TRIM14: variants seen among roughly 807,000 people sequenced by gnomAD.
TRIM14 encodes tripartite motif containing 14.
A neutral mutation model predicts 44.5 loss-of-function variants in TRIM14; 28 were observed. The ratio of observed to expected loss-of-function variants is 0.63; its 90% CI spans 0.47 to 0.86. TRIM14 has a LOEUF of 0.86. Among genes scored for constraint, TRIM14 ranks in the 40% least tolerant of loss-of-function variants. The probability of loss-of-function intolerance (pLI) is 0.00; values close to 1 mark genes in which losing one functional copy is unlikely to be tolerated. For synonymous variants in TRIM14, 299 were observed against 269.2 expected, an observed-to-expected ratio of 1.11 and a Z score of -1.08; for missense variants, 607 against 611.1, an observed-to-expected ratio of 0.99 and a Z score of 0.07.
chr9:98,072,108 G>A (rs1017219403), intron 6 of TRIM14, among the ~76,000 whole-genome samples: 3 of 152,168 alleles, frequency 2.0e-5, no homozygotes, highest in African/African-American at 7.2e-5. Context: ...AGCTCCTGGT[G>A]CTCACACTCT....
the TRIM14 span, chr9:98,060,661 ACT>A: frequency 7.0e-6 from 7 of 1,004,554 alleles, no homozygotes; most frequent in African/African-American, 9.8e-5. Context: ...AAAGAGCGAA[ACT>A]CTGTCTCTAA....
intron 6 of TRIM14, among the ~76,000 whole-genome samples, chr9:98,078,961 A>T (rs1190679025): frequency 2.0e-5 from 3 of 151,770 alleles, no homozygotes; most frequent in African/African-American, 7.3e-5. Context: ...TTTCATACTG[A>T]GTTATAGGAG....
chr9:98,108,384 G>A (rs1826704236), intron 2 of TRIM14, among the ~76,000 whole-genome samples: 1 of 151,990 alleles, frequency 6.6e-6, no homozygotes, highest in Admixed American at 6.6e-5. Flanking sequence ...AAAACATCAT[G>A]AGTTTTTTGG....
At chr9:98,065,427 C>T (rs1829112892), downstream of TRIM14, among the ~76,000 whole-genome samples, 1 of 147,734 alleles carries the variant, frequency 6.8e-6, no homozygotes, top group Admixed American at 6.8e-5. Flanking sequence ...AGCAATTCTC[C>T]TGCCTCAGCC....
At chr9:98,114,617 C>A (rs930151923) in intron 1 of TRIM14, among the ~76,000 whole-genome samples, 2 of 152,168 alleles carry the variant, frequency 1.3e-5, no homozygotes, top group African/African-American at 4.8e-5. Flanking sequence ...CCACCGCACC[C>A]AGCCGACAAT....
At chr9:98,118,186 G>A (rs1827121725) in intron 1 of TRIM14, among the ~76,000 whole-genome samples, 2 of 152,136 alleles carry the variant, frequency 1.3e-5, no homozygotes, top group South Asian at 4.1e-4. Flanking sequence ...ATGAAACCCA[G>A]AGAGAGAGAA....
At position 98,087,907 on chromosome 9, in the gene TRIM14, C is replaced by A; in HGVS notation, c.892G>T (p.Gly298Trp). ...TCGAACCGCAGCACGGGCACGGGCC[C>A]CAGGCTGCCCAGCAGGCCGCAGCGC... ...TVRCGLLGSL[G>W]PVPVLRFDAL... Residue 298 changes from glycine to tryptophan, a missense_variant, in exon 6 of 6, where the codon GGG becomes TGG. Around this residue, in one of 3 missense-constraint regions of TRIM14, gnomAD observed 356 missense variants for 323.0 expected, o/e 1.10. Transcript: ENST00000341469. 1 of 1,568,510 alleles carries A rather than the reference C, an allele frequency of 6.4e-7. No homozygotes were observed. The highest frequency in any genetic ancestry group is 2.4e-5 in the East Asian group (1 of 41,616).
chr9:98,073,300 T>C (rs113149883), intron 6 of TRIM14, among the ~76,000 whole-genome samples: 2 of 113,804 alleles, frequency 1.8e-5, no homozygotes, highest in African/African-American at 4.3e-5. Context: ...TTTTTTTTTT[T>C]TTGAGACGGA....
the TRIM14 span, among the ~76,000 whole-genome samples, chr9:98,044,442 C>T: frequency 4.1e-5 from 6 of 146,642 alleles, no homozygotes; most frequent in South Asian, 2.1e-4. Flanking sequence ...GGCACCATCT[C>T]GGCTCACTGC....
chr9:98,094,092 T>G (rs2118330711), intron 4 of TRIM14, among the ~76,000 whole-genome samples: 1 of 152,294 alleles, frequency 6.6e-6, no homozygotes, highest in African/African-American at 2.4e-5. Flanking sequence ...CTGACATGTT[T>G]GTGTACGGTC....
At chr9:98,115,181 C>T (rs1011718894) in intron 1 of TRIM14, among the ~76,000 whole-genome samples, 7 of 151,586 alleles carry the variant, frequency 4.6e-5, no homozygotes, top group African/African-American at 1.7e-4. Flanking sequence ...CCTCTGCCTC[C>T]TAGGTTCAAG....
intron 3 of TRIM14, among the ~76,000 whole-genome samples, chr9:98,097,067 G>A (rs1826212413): frequency 6.6e-6 from 1 of 152,120 alleles, no homozygotes. Context: ...GGTGGCACGT[G>A]CTTGTCGTCT....
chr9:98,103,514 A>G (rs1395555832), intron 2 of TRIM14, among the ~76,000 whole-genome samples: 1 of 152,136 alleles, frequency 6.6e-6, no homozygotes, highest in Non-Finnish European at 1.5e-5. Context: ...TTAAAAAATG[A>G]CAATTTGTTC....
Position 98,118,992 on chromosome 9 carries a change from A to AC in TRIM14, c.196dup (p.Val66GlyfsTer23). 1 of 1,548,780 alleles carries AC rather than the reference A, an allele frequency of 6.5e-7. No homozygotes were observed. The highest frequency in any genetic ancestry group is 8.6e-7 in the Non-Finnish European group (1 of 1,156,808). Reference sequence around the variant, plus strand: ...CCCCATCGTCCCCACCTGCACGTGCACCGCTGCCTCCAGCGCCAGGCCCAC... The same window carrying AC: ...CCCCATCGTCCCCACCTGCACGTGCACCCGCTGCCTCCAGCGCCAGGCCCAC... On this transcript the variant is annotated frameshift_variant, in exon 1 of 6. Coordinates refer to ENST00000341469, the MANE Select transcript of TRIM14 (RefSeq NM_014788.4). LOFTEE classifies it high-confidence loss of function.
chr9:98,047,896 C>T, the TRIM14 span, among the ~76,000 whole-genome samples: 1 of 151,950 alleles, frequency 6.6e-6, no homozygotes, highest in African/African-American at 2.4e-5. Flanking sequence ...GAAACTTCAT[C>T]TCTACTAGAA....
At chr9:98,071,410 T>C (rs1159313158) in intron 6 of TRIM14, among the ~76,000 whole-genome samples, 1 of 152,244 alleles carries the variant, frequency 6.6e-6, no homozygotes, top group Admixed American at 6.5e-5. Context: ...GGTATATCCA[T>C]GTGGAGGTTA....
At chr9:98,079,749 C>T (rs1829767907), downstream of TRIM14, among the ~76,000 whole-genome samples, 1 of 152,204 alleles carries the variant, frequency 6.6e-6, no homozygotes. Flanking sequence ...GTCATGTCCT[C>T]TCTCTTGACA....
At chr9:98,077,974 C>G in intron 6 of TRIM14, 1 of 589,150 alleles carries the variant, frequency 1.7e-6, no homozygotes, top group Non-Finnish European at 3.0e-6. Flanking sequence ...TCCTTTTGCT[C>G]AAGAACACTG....
At chr9:98,062,675 C>T in the TRIM14 span, among the ~76,000 whole-genome samples, 1 of 151,884 alleles carries the variant, frequency 6.6e-6, no homozygotes, top group East Asian at 1.9e-4. Context: ...TTTTACCCCA[C>T]CTTATGCTTA....
Sources: gnomAD v4.1 joint callset for allele counts (sites outside exome capture counted in the v4.1 genomes callset) on GRCh38, gnomAD v4.1.1 for gene constraint, gnomAD v4.1.1 regional missense constraint, MANE v1.5 for transcripts, NCBI Gene and HGNC (gene_info 2026-07-23, HGNC 2026-07-21) for gene names.